The following AKAP6 variants were observed in gnomAD, a reference collection of about 807,000 sequenced individuals.
The protein encoded by AKAP6 is A-kinase anchoring protein 6, also known as A-kinase anchor protein 6.
A neutral mutation model predicts 188.5 loss-of-function variants in AKAP6; 58 were observed. The observed-to-expected ratio is 0.31, with a 90% CI of 0.25 to 0.38. The LOEUF (loss-of-function observed/expected upper bound fraction) is 0.38, where lower values mean the gene tolerates loss of function less well. Ranked by LOEUF, AKAP6 falls within the 10% of genes least tolerant of loss-of-function variation. The probability of loss-of-function intolerance (pLI) is 1.00; values close to 1 mark genes in which losing one functional copy is unlikely to be tolerated. For missense variants in AKAP6, 2,710 were observed against 2,740.0 expected, an observed-to-expected ratio of 0.99 and a Z score of 0.24; for synonymous variants, 989 against 998.6, an observed-to-expected ratio of 0.99 and a Z score of 0.18.
At chr14:32,793,366 G>A (rs915719002) in intron 12 of AKAP6, among the ~76,000 whole-genome samples, 1 of 151,940 alleles carries the variant, frequency 6.6e-6, no homozygotes, top group Admixed American at 6.6e-5. Flanking sequence ...AAAATCAGGG[G>A]TTGCAATCCC....
chr14:32,622,683 T>C (rs993017077), intron 7 of AKAP6, among the ~76,000 whole-genome samples: 1 of 152,120 alleles, frequency 6.6e-6, no homozygotes, highest in Non-Finnish European at 1.5e-5. Context: ...TCTAAACTCA[T>C]ATAGTTGCTG....
At chr14:32,747,032 G>A (rs1407420903) in intron 11 of AKAP6, among the ~76,000 whole-genome samples, 1 of 152,132 alleles carries the variant, frequency 6.6e-6, no homozygotes, top group Non-Finnish European at 1.5e-5. Flanking sequence ...AATAAAGGAA[G>A]AAAAGAGCTA....
At chr14:32,579,981 T>C (rs558008596) in intron 5 of AKAP6, among the ~76,000 whole-genome samples, 1 of 152,232 alleles carries the variant, frequency 6.6e-6, no homozygotes, top group East Asian at 1.9e-4. Context: ...TGCAAGCCTC[T>C]AGGGTCTGAG....
rs897862291 is a variant in AKAP6, at chr14:32,568,180, C to A, written c.2347-8940C>A. Among the ~76,000 whole-genome samples, 1 of 152,144 alleles carries A rather than the reference C, an allele frequency of 6.6e-6. No individual in the cohort carries two copies. The highest frequency in any genetic ancestry group is 2.4e-5 in the African/African-American group (1 of 41,434). ...AAGCTTGGAAAATAGGAGTGAACAA[C>A]AGAGAATGTGACTGTCCTTTGTTTC... is the stretch of plus-strand genomic sequence containing the variant. On this transcript the variant is annotated intron_variant, in intron 4 of 13. Transcript: ENST00000280979. This position sits in a 1 kb window ranked among gnomAD's most constrained non-coding sequence, Gnocchi z 6.2.
At chr14:32,611,141 G>A (rs985958253) in intron 7 of AKAP6, among the ~76,000 whole-genome samples, 5 of 152,140 alleles carry the variant, frequency 3.3e-5, no homozygotes, top group African/African-American at 1.2e-4. Context: ...TGGTATCTAG[G>A]GGATGGAGCC....
intron 1 of AKAP6, among the ~76,000 whole-genome samples, chr14:32,395,713 A>G (rs1162527525): frequency 6.6e-6 from 1 of 152,030 alleles, no homozygotes; most frequent in Non-Finnish European, 1.5e-5. Context: ...TTTTCCCCCT[A>G]TTTATCCCTC....
intron 2 of AKAP6, among the ~76,000 whole-genome samples, chr14:32,450,275 T>C (rs1890893821): frequency 6.6e-6 from 1 of 152,084 alleles, no homozygotes; most frequent in African/African-American, 2.4e-5. Flanking sequence ...CAAATACTGC[T>C]TGCTGATTTT....
At chr14:32,356,443 C>T (rs1427977020) in intron 1 of AKAP6, among the ~76,000 whole-genome samples, 3 of 152,184 alleles carry the variant, frequency 2.0e-5, no homozygotes, top group Non-Finnish European at 4.4e-5. Context: ...TATACCTCTT[C>T]TTCCTGGGGG....
In AKAP6 at chr14:32,546,968, A is replaced by G. The variant is rs1487142097; in HGVS notation, c.2315A>G (p.Asp772Gly). 1.9e-6 allele frequency: 3 copies of G among 1,605,242 alleles called. No homozygotes were observed. Among genetic ancestry groups the G allele is most frequent in the South Asian group, 1.1e-5 (1 of 90,742 alleles). The change falls in exon 4 of 14, where the codon GAC becomes GGC. Residue 772 changes from aspartate to glycine, a missense_variant. This residue lies in a region of AKAP6 where 2,473 missense variants were observed against 2,426.1 expected (regional missense o/e 1.02). Coordinates refer to ENST00000280979, the MANE Select transcript of AKAP6 (RefSeq NM_004274.5). The stretch of plus-strand genomic sequence containing the variant: ...CTGATGCAAGATATTCAGCACCAAG[A>G]CAACTATGAAGCCATATGGGAAAAA... The part of the protein sequence containing the change: ...QKLMQDIQHQ[D>G]NYEAIWEKIE...
intron 11 of AKAP6, among the ~76,000 whole-genome samples, chr14:32,769,498 TA>T (rs1361321004): frequency 2.0e-5 from 3 of 152,082 alleles, no homozygotes; most frequent in Non-Finnish European, 2.9e-5. Flanking sequence ...CAACTGATGT[TA>T]AACAGTTGAT....
intron 2 of AKAP6, among the ~76,000 whole-genome samples, chr14:32,500,443 C>T (rs193262593): frequency 6.6e-6 from 1 of 152,306 alleles, no homozygotes; most frequent in East Asian, 1.9e-4. Flanking sequence ...TGATCACTTC[C>T]TATACTTCTG....
chr14:32,705,515 A>G (rs975972953), intron 9 of AKAP6, among the ~76,000 whole-genome samples: 7 of 152,170 alleles, frequency 4.6e-5, no homozygotes, highest in Non-Finnish European at 7.3e-5. Flanking sequence ...GAAACTTATC[A>G]AATAGTAAGA....
chr14:32,807,796 A>G (rs901597514), intron 12 of AKAP6, among the ~76,000 whole-genome samples: 4 of 152,236 alleles, frequency 2.6e-5, no homozygotes, highest in Non-Finnish European at 5.9e-5. Flanking sequence ...AACTCCCTTG[A>G]ACCTTCTCAC....
chr14:32,566,537 T>A (rs964307083), intron 4 of AKAP6, among the ~76,000 whole-genome samples: 1 of 152,160 alleles, frequency 6.6e-6, no homozygotes, highest in Non-Finnish European at 1.5e-5. Flanking sequence ...CTGGGTTATG[T>A]GTATGTGAGT....
intron 2 of AKAP6, among the ~76,000 whole-genome samples, chr14:32,510,859 A>G (rs1052330147): frequency 3.7e-4 from 57 of 152,094 alleles, no homozygotes; most frequent in African/African-American, 1.3e-3. Flanking sequence ...ATGCTGGCCA[A>G]TCTAATCCTT....
chr14:32,787,228 G>T (rs1232927933), intron 12 of AKAP6, among the ~76,000 whole-genome samples: 1 of 152,172 alleles, frequency 6.6e-6, no homozygotes, highest in Non-Finnish European at 1.5e-5. Flanking sequence ...AGAAAGGGGG[G>T]GAACCCCACA....
intron 5 of AKAP6, among the ~76,000 whole-genome samples, chr14:32,593,217 A>T (rs1885561430): frequency 6.6e-6 from 1 of 152,184 alleles, no homozygotes; most frequent in African/African-American, 2.4e-5. Flanking sequence ...CTGGCAAGGG[A>T]TGATGATGAA....
intron 11 of AKAP6, among the ~76,000 whole-genome samples, chr14:32,740,620 G>A (rs2031629124): frequency 6.6e-6 from 1 of 151,912 alleles, no homozygotes; most frequent in Non-Finnish European, 1.5e-5. Context: ...ACCATTTATT[G>A]AAGAGACTGT....
At chr14:32,741,328 C>G (rs549094436) in intron 11 of AKAP6, among the ~76,000 whole-genome samples, 2 of 152,104 alleles carry the variant, frequency 1.3e-5, no homozygotes, top group East Asian at 3.9e-4. Flanking sequence ...AATTTGACAT[C>G]TTCTTTTCTG....
Sources: allele counts gnomAD v4.1 joint callset (sites outside exome capture counted in the v4.1 genomes callset), GRCh38; gene constraint gnomAD v4.1.1; regional missense constraint gnomAD v4.1.1; non-coding constraint Gnocchi (gnomAD v3.1); transcripts MANE v1.5; gene names NCBI Gene and HGNC (gene_info 2026-07-23, HGNC 2026-07-21).